The following N4BP2L2 variants were observed in gnomAD, a reference collection of about 807,000 sequenced individuals.
N4BP2L2 encodes NEDD4 binding protein 2 like 2, also known as NEDD4-binding protein 2-like 2.
Under a neutral mutation model 56.2 loss-of-function variants are expected in N4BP2L2, and 50 were observed. The ratio of observed to expected loss-of-function variants is 0.89; its 90% CI spans 0.71 to 1.13. The LOEUF (loss-of-function observed/expected upper bound fraction) is 1.13. Among genes scored for constraint, N4BP2L2 ranks in the 50% most tolerant of loss-of-function variants. The pLI is 0.00. For missense variants in N4BP2L2, 689 were observed against 693.8 expected, an observed-to-expected ratio of 0.99 and a Z score of 0.08; for synonymous variants, 203 against 223.6, an observed-to-expected ratio of 0.91 and a Z score of 0.82.
intron 2 of N4BP2L2, among the ~76,000 whole-genome samples, chr13:32,527,779 CTTTTTTTT>C (rs11374781): frequency 7.2e-6 from 1 of 139,420 alleles, no homozygotes; most frequent in African/African-American, 2.6e-5. Flanking sequence ...AACAGAAACT[CTTTTTTTT>C]TTTTTTTTTA....
chr13:32,523,303 A>C (rs890606230), intron 3 of N4BP2L2: 1 of 146,870 alleles, frequency 6.8e-6, no homozygotes, highest in Non-Finnish European at 1.5e-5. Flanking sequence ...AGGCACGAGA[A>C]TCACTTGAAC....
At chr13:32,434,439 T>C (rs1027722277) in intron 9 of N4BP2L2, among the ~76,000 whole-genome samples, 1 of 151,934 alleles carries the variant, frequency 6.6e-6, no homozygotes, top group Non-Finnish European at 1.5e-5. Flanking sequence ...TTTCATTTAA[T>C]CCTCATTTAA....
At chr13:32,489,229 A>T (rs2086542543) in intron 6 of N4BP2L2, among the ~76,000 whole-genome samples, 1 of 152,260 alleles carries the variant, frequency 6.6e-6, no homozygotes, top group South Asian at 2.1e-4. Context: ...CATTCTCATC[A>T]GCTACGAATT....
intron 6 of N4BP2L2, among the ~76,000 whole-genome samples, chr13:32,471,787 G>A (rs2082349430): frequency 1.3e-5 from 2 of 152,340 alleles, no homozygotes; most frequent in South Asian, 4.1e-4. Flanking sequence ...AAGAGCTGCT[G>A]AATAAAGCCA....
intron 6 of N4BP2L2, among the ~76,000 whole-genome samples, chr13:32,460,985 C>G (rs979621709): frequency 5.9e-5 from 9 of 152,074 alleles, no homozygotes; most frequent in Non-Finnish European, 1.3e-4. Context: ...TGATTTTTGA[C>G]AATGGCACCA....
At chr13:32,474,486 T>C (rs1394359244) in intron 6 of N4BP2L2, among the ~76,000 whole-genome samples, 9 of 151,826 alleles carry the variant, frequency 5.9e-5, no homozygotes, top group African/African-American at 1.9e-4. Flanking sequence ...GGTCAGGAGT[T>C]TGAGATCAGT....
intron 6 of N4BP2L2, among the ~76,000 whole-genome samples, chr13:32,486,648 C>T: frequency 6.6e-6 from 1 of 151,910 alleles, no homozygotes; most frequent in Admixed American, 6.6e-5. Context: ...TGCACTCCAA[C>T]CTGGGCAACA....
Position 32,490,756 on chromosome 13 carries a change from T to C in N4BP2L2, c.365+27101A>G, listed in dbSNP as rs538010735. Among the ~76,000 whole-genome samples, 364 of 152,298 alleles carry C rather than the reference T, an allele frequency of 2.4e-3. 2 individuals carry two copies. Among genetic ancestry groups the C allele is most frequent in the African/African-American group, 8.5e-3 (353 of 41,560 alleles). On this transcript the variant is annotated intron_variant, in intron 6 of 9. Transcript: ENST00000357505. ...AGTGCAGCAACCTAGATCTCTCACA[T>C]GCACAGTTCACAATAGAGTTTGTGC...
At chr13:32,442,523 C>T (rs17077568) in exon 7 of N4BP2L2, 43,649 of 1,613,684 alleles carry the variant, frequency 0.027, 1,320 homozygotes, top group African/African-American at 0.16. Context: ...TTAGGTTCTT[C>T]CCATCTTTTC....
At chr13:32,516,899 C>T in exon 6 of N4BP2L2, 1 of 984,604 alleles carries the variant, frequency 1.0e-6, no homozygotes, top group Non-Finnish European at 1.2e-6. Flanking sequence ...GAAATGAATT[C>T]CATCTCAGTT....
chr13:32,435,921 A>G (rs1289394357), intron 9 of N4BP2L2, among the ~76,000 whole-genome samples: 1 of 152,216 alleles, frequency 6.6e-6, no homozygotes, highest in Non-Finnish European at 1.5e-5. Context: ...CAATGTGTTT[A>G]TTTTAATGTC....
At chr13:32,442,720 A>G in exon 7 of N4BP2L2, 1 of 1,613,744 alleles carries the variant, frequency 6.2e-7, no homozygotes, top group Non-Finnish European at 8.5e-7. Context: ...TGGCTTCCAA[A>G]TACTAGATAA....
intron 6 of N4BP2L2, among the ~76,000 whole-genome samples, chr13:32,465,193 C>T (rs1392633188): frequency 6.6e-6 from 1 of 152,090 alleles, no homozygotes; most frequent in Non-Finnish European, 1.5e-5. Flanking sequence ...TCTCAAACTC[C>T]TGACCTTGTG....
At chr13:32,486,502 C>G (rs1393669608) in intron 6 of N4BP2L2, among the ~76,000 whole-genome samples, 1 of 151,512 alleles carries the variant, frequency 6.6e-6, no homozygotes, top group African/African-American at 2.4e-5. Flanking sequence ...ATGGTGAAAC[C>G]CCATCTCTAC....
At chr13:32,445,386 G>A (rs2076905000) in intron 6 of N4BP2L2, among the ~76,000 whole-genome samples, 1 of 152,192 alleles carries the variant, frequency 6.6e-6, no homozygotes, top group African/African-American at 2.4e-5. Flanking sequence ...GTTATGTGGT[G>A]CATGACTATA....
At chr13:32,533,467 A>T (rs1385922349) in intron 2 of N4BP2L2, among the ~76,000 whole-genome samples, 1 of 151,836 alleles carries the variant, frequency 6.6e-6, no homozygotes, top group Non-Finnish European at 1.5e-5. Flanking sequence ...TATGAATTCT[A>T]TCCAACTGCC....
At chr13:32,536,564 T>G (rs1440511839) in exon 2 of N4BP2L2, 1 of 1,613,814 alleles carries the variant, frequency 6.2e-7, no homozygotes, top group Non-Finnish European at 8.5e-7. Flanking sequence ...TTTCTCTTTT[T>G]GTCCTCCTCT....
At chr13:32,531,387 C>T (rs571739189) in intron 2 of N4BP2L2, among the ~76,000 whole-genome samples, 5 of 152,140 alleles carry the variant, frequency 3.3e-5, no homozygotes, top group Non-Finnish European at 7.4e-5. Flanking sequence ...ACAAGGCCTA[C>T]AAGAGAGTCC....
At chr13:32,536,235 T>C (rs767316788) in exon 2 of N4BP2L2, 18 of 1,613,884 alleles carry the variant, frequency 1.1e-5, no homozygotes, top group Non-Finnish European at 1.5e-5. Context: ...CATTCAGGCC[T>C]GAAAGAAGTA....
Sources: gnomAD v4.1 joint callset for allele counts (sites outside exome capture counted in the v4.1 genomes callset) on GRCh38, gnomAD v4.1.1 for gene constraint, MANE v1.5 for transcripts, NCBI Gene and HGNC (gene_info 2026-07-23, HGNC 2026-07-21) for gene names.